The following F9 variants were observed in gnomAD, a reference collection of about 807,000 sequenced individuals.
The protein encoded by F9 is Christmas factor.
F9 carries 2 observed loss-of-function variants against 34.1 expected under a neutral mutation model. The ratio of observed to expected loss-of-function variants is 0.06; its 90% CI spans 0.02 to 0.18. The LOEUF (loss-of-function observed/expected upper bound fraction) is 0.18, where lower values mean the gene tolerates loss of function less well. Among genes scored for constraint, F9 ranks in the 10% least tolerant of loss-of-function variants. The pLI is 1.00. For synonymous variants in F9, 137 were observed against 118.8 expected, an observed-to-expected ratio of 1.15 and a Z score of -1.00; for missense variants, 216 against 345.1, an observed-to-expected ratio of 0.63 and a Z score of 2.96.
intron 4 of F9, among the ~76,000 whole-genome samples, chrX:139,542,755 T>C (rs1047175317): frequency 9.9e-5 from 11 of 110,856 alleles, no homozygotes; most frequent in Non-Finnish European, 1.7e-4. Context: ...TACAACAGAG[T>C]TTGCTACGTG....
intron 5 of F9, 64 bp from the exon 6 acceptor site, chrX:139,550,998 G>A: frequency 9.7e-7 from 1 of 1,027,978 alleles, no homozygotes; most frequent in African/African-American, 1.8e-5. Context: ...CTCAATTTTT[G>A]TAATACATGT....
In F9 at chrX:139,557,833, A is replaced by G. The variant is rs1211544567; in HGVS notation, c.724-2908A>G. Among the ~76,000 whole-genome samples, 3 of 112,718 alleles carry G rather than the reference A, an allele frequency of 2.7e-5. No homozygotes were observed. In the East Asian group the frequency reaches 8.4e-4, roughly 32 times the overall value. On this transcript the variant is annotated intron_variant, in intron 6 of 7. Coordinates refer to ENST00000218099, the MANE Select transcript of F9 (RefSeq NM_000133.4). ...GAGACAGGTCGTGCATCTGAGGTTTACTGCTTTGCATTTTTGTTTTGTAAC... is the reference window on the plus strand; with the variant it reads ...GAGACAGGTCGTGCATCTGAGGTTTGCTGCTTTGCATTTTTGTTTTGTAAC...
chrX:139,543,464 A>G (rs1427842530), intron 4 of F9, among the ~76,000 whole-genome samples: 1 of 112,143 alleles, frequency 8.9e-6, no homozygotes, highest in Admixed American at 9.5e-5. Flanking sequence ...TCACAAGCCT[A>G]TAAACACCTT....
chrX:139,547,506 C>T (rs1282591554), intron 4 of F9: 3 of 110,945 alleles, frequency 2.7e-5, no homozygotes, highest in Non-Finnish European at 3.8e-5. Flanking sequence ...AATTTAAGTT[C>T]GTACAATCAT....
chrX:139,537,044 G>A lies in F9; in HGVS notation c.123G>A (p.Leu41=), dbSNP rs1927492122. 1 of 1,207,804 alleles carries A rather than the reference G, an allele frequency of 8.3e-7. No homozygotes were observed. Among genetic ancestry groups the A allele is most frequent in the African/African-American group, 1.7e-5 (1 of 57,228 alleles). The part of the protein sequence containing the change: ...FLDHENANKI[L]NRPKRYNSGK... Reference sequence around the variant, plus strand: ...ATCATGAAAACGCCAACAAAATTCTGAATCGGCCAAAGAGGTATAATTCAG... The same window carrying A: ...ATCATGAAAACGCCAACAAAATTCTAAATCGGCCAAAGAGGTATAATTCAG... Residue 41 remains leucine (L), a synonymous_variant, in exon 2 of 8, where the codon CTG becomes CTA. Coordinates refer to ENST00000218099, the MANE Select transcript of F9 (RefSeq NM_000133.4).
intron 7 of F9, among the ~76,000 whole-genome samples, chrX:139,561,299 G>A (rs748658376): frequency 8.9e-6 from 1 of 112,025 alleles, no homozygotes; most frequent in East Asian, 2.8e-4. Flanking sequence ...CCAATGAAAG[G>A]CTTATAACAG....
intron 3 of F9, among the ~76,000 whole-genome samples, chrX:139,539,450 G>A (rs900210179): frequency 6.2e-5 from 7 of 112,040 alleles, no homozygotes; most frequent in African/African-American, 2.3e-4. Flanking sequence ...TCTCTCACTT[G>A]GTAAGATCTT....
rs970573926 is a variant in F9 at position 139,551,271 on chromosome X, T to C, written c.723+7T>C. 1 of 1,198,078 alleles carries C rather than the reference T, an allele frequency of 8.3e-7. No homozygotes were observed. Among genetic ancestry groups the C allele is most frequent in the African/African-American group, 1.8e-5 (1 of 56,843 alleles). On this transcript the variant is annotated splice_region_variant and intron_variant, in intron 6 of 7. Transcript: ENST00000218099. ...AGGTCAATTCCCTTGGCAGGTACTT[T>C]ATACTGATGGTGTGTCAAAACTGGA...
chrX:139,537,262 C>T, intron 2 of F9, 89 bp downstream of exon 2: 1 of 1,093,787 alleles, frequency 9.1e-7, no homozygotes, highest in Non-Finnish European at 1.3e-6. Flanking sequence ...TTTAAAGCAT[C>T]CATATATATT....
intron 1 of F9, among the ~76,000 whole-genome samples, chrX:139,534,582 A>C (rs1927413013): frequency 8.9e-6 from 1 of 112,448 alleles, no homozygotes; most frequent in Non-Finnish European, 1.9e-5. Context: ...ATTATTCCCT[A>C]AACAATACAG....
chrX:139,547,905 C>A (rs1340363566), intron 4 of F9: 5 of 116,445 alleles, frequency 4.3e-5, no homozygotes, highest in Non-Finnish European at 7.1e-5. Context: ...GTAATGGTAA[C>A]CTATAAAAAG....
intron 1 of F9, among the ~76,000 whole-genome samples, chrX:139,536,652 G>A (rs1255710235): frequency 1.8e-5 from 2 of 111,891 alleles, no homozygotes; most frequent in Admixed American, 1.9e-4. Context: ...AGCCCAGCCA[G>A]GGTGATGGAT....
At chrX:139,537,986 A>G (rs1021144234) in intron 3 of F9, among the ~76,000 whole-genome samples, 26 of 111,363 alleles carry the variant, frequency 2.3e-4, no homozygotes, top group African/African-American at 8.5e-4. Flanking sequence ...TCTTTGCCCA[A>G]ATGTTACCAT....
At chrX:139,546,894 C>A (rs1051873889) in intron 4 of F9, among the ~76,000 whole-genome samples, 1 of 111,625 alleles carries the variant, frequency 9.0e-6, no homozygotes, top group Non-Finnish European at 1.9e-5. Flanking sequence ...CTAATGGATT[C>A]AATGCAATAC....
At chrX:139,537,780 C>T (rs1256723880) in intron 3 of F9, among the ~76,000 whole-genome samples, 1 of 111,233 alleles carries the variant, frequency 9.0e-6, no homozygotes, top group Non-Finnish European at 1.9e-5. Flanking sequence ...CATGATTGTC[C>T]TTCCCCACCC....
intron 3 of F9, 142 bp from the exon 4 acceptor site, chrX:139,540,934 T>C (rs937262487): frequency 5.7e-5 from 22 of 388,264 alleles, no homozygotes; most frequent in Non-Finnish European, 2.8e-5. Context: ...GAGCATCATA[T>C]GCCTATAGGC....
chrX:139,537,396 T>C lies in F9; in HGVS notation c.277+10T>C. ...TGGAAGCAGTATGTTGGTAAGCAAT[T>C]CATTTTATCCTCTAGCTAATATATG... On this transcript the variant is annotated intron_variant, in intron 3 of 7. Coordinates refer to ENST00000218099, the MANE Select transcript of F9 (RefSeq NM_000133.4). The C allele has an allele frequency of 8.5e-7, 1 of 1,170,548 alleles. No individual in the cohort carries two copies. Among genetic ancestry groups the C allele is most frequent in the Non-Finnish European group, 1.2e-6 (1 of 858,348 alleles).
At chrX:139,538,944 G>T (rs950632963) in intron 3 of F9, among the ~76,000 whole-genome samples, 1 of 107,339 alleles carries the variant, frequency 9.3e-6, no homozygotes, top group South Asian at 3.9e-4. Context: ...CTACTGCTTC[G>T]TCAACCAAAA....
At chrX:139,535,337 C>T (rs1016917505) in intron 1 of F9, among the ~76,000 whole-genome samples, 9 of 107,870 alleles carry the variant, frequency 8.3e-5, no homozygotes, top group African/African-American at 1.4e-4. Flanking sequence ...CCAGCCTGGG[C>T]GACAGAGCAA....
Sources: gnomAD v4.1 joint callset for allele counts (sites outside exome capture counted in the v4.1 genomes callset) on GRCh38, gnomAD v4.1.1 for gene constraint, MANE v1.5 for transcripts, NCBI Gene and HGNC (gene_info 2026-07-23, HGNC 2026-07-21) for gene names.